The following TAFA1 variants were observed in gnomAD, a reference collection of about 807,000 sequenced individuals.
TAFA1 encodes the protein TAFA chemokine like family member 1, also known as chemokine-like protein TAFA-1.
In TAFA1, 4 loss-of-function variants were observed where a neutral mutation model predicts 18.5. That is an observed-to-expected ratio of 0.22 (90% CI 0.11 to 0.49). The LOEUF (loss-of-function observed/expected upper bound fraction) is 0.49, where lower values mean the gene tolerates loss of function less well. TAFA1 is among the 20% of genes least tolerant of loss of function. The pLI is 0.98. For synonymous variants in TAFA1, 56 were observed against 55.2 expected, an observed-to-expected ratio of 1.01 and a Z score of -0.06; for missense variants, 147 against 169.0, an observed-to-expected ratio of 0.87 and a Z score of 0.72.
chr3:68,208,872 T>C (rs1013146716), intron 2 of TAFA1, among the ~76,000 whole-genome samples: 1 of 151,872 alleles, frequency 6.6e-6, no homozygotes, highest in Non-Finnish European at 1.5e-5. Context: ...TCCTCTTGAG[T>C]GTGTGCAGGC....
chr3:68,026,204 T>C (rs568292789), intron 2 of TAFA1, among the ~76,000 whole-genome samples: 18 of 152,144 alleles, frequency 1.2e-4, no homozygotes, highest in Admixed American at 9.2e-4. Flanking sequence ...CTGAACTGCA[T>C]GACTCTCTGG....
chr3:68,464,907 A>C (rs2071856645), intron 3 of TAFA1, among the ~76,000 whole-genome samples: 1 of 152,166 alleles, frequency 6.6e-6, no homozygotes, highest in South Asian at 2.1e-4. Flanking sequence ...TTAACTGCTG[A>C]GGCAGATACT....
chr3:68,226,637 G>A (rs55812937), intron 2 of TAFA1, among the ~76,000 whole-genome samples: 2,092 of 152,230 alleles, frequency 0.014, 58 homozygotes, highest in African/African-American at 0.047. Context: ...AATGTTCATT[G>A]TGTAACACAT....
chr3:68,164,824 C>T (rs2065964843), intron 2 of TAFA1, among the ~76,000 whole-genome samples: 1 of 152,160 alleles, frequency 6.6e-6, no homozygotes, highest in Non-Finnish European at 1.5e-5. Context: ...TTCTCTCATT[C>T]CAATACACAT....
At chr3:68,502,878 C>G (rs2072681625) in intron 3 of TAFA1, among the ~76,000 whole-genome samples, 1 of 152,158 alleles carries the variant, frequency 6.6e-6, no homozygotes, top group Non-Finnish European at 1.5e-5. Flanking sequence ...CACTCTTACA[C>G]AAATGTTCAC....
chr3:68,043,511 G>A (rs1252306918), intron 2 of TAFA1, among the ~76,000 whole-genome samples: 3 of 152,114 alleles, frequency 2.0e-5, no homozygotes, highest in African/African-American at 7.2e-5. Flanking sequence ...ATAGAATAAA[G>A]AATACTGCTC....
At chr3:68,452,851 A>T (rs1464015010) in intron 3 of TAFA1, among the ~76,000 whole-genome samples, 1 of 152,146 alleles carries the variant, frequency 6.6e-6, no homozygotes, top group African/African-American at 2.4e-5. Context: ...TATTTAAGGC[A>T]TTTTTACTGA....
At chr3:68,252,469 C>G (rs991450622) in intron 2 of TAFA1, among the ~76,000 whole-genome samples, 2 of 152,138 alleles carry the variant, frequency 1.3e-5, no homozygotes, top group Non-Finnish European at 2.9e-5. Context: ...GTACTGGGCC[C>G]ATGGTCCCAC....
intron 2 of TAFA1, among the ~76,000 whole-genome samples, chr3:68,027,163 T>C (rs1415375196): frequency 1.3e-5 from 2 of 152,086 alleles, no homozygotes; most frequent in African/African-American, 2.4e-5. Context: ...GGAATTGCAA[T>C]TGAATATGAG....
Position 68,406,334 on chromosome 3 carries a change from A to G in TAFA1, c.119-10946A>G, listed in dbSNP as rs78983974. ...AATCAACTATTGCCTAGCTGGTTCAATGGTCTTGGTTTAAGAATAGGGTCA... is the reference window on the plus strand; with the variant it reads ...AATCAACTATTGCCTAGCTGGTTCAGTGGTCTTGGTTTAAGAATAGGGTCA... On this transcript the variant is annotated intron_variant, in intron 2 of 4. Coordinates refer to ENST00000478136, the MANE Select transcript of TAFA1 (RefSeq NM_213609.4). Among the ~76,000 whole-genome samples the G allele has an allele frequency of 6.8e-3, 1,037 of 152,240 alleles. 9 individuals carry two copies. The highest frequency in any genetic ancestry group is 0.024 in the African/African-American group (980 of 41,532).
At chr3:68,235,760 T>C (rs2066921012) in intron 2 of TAFA1, among the ~76,000 whole-genome samples, 1 of 152,114 alleles carries the variant, frequency 6.6e-6, no homozygotes, top group Non-Finnish European at 1.5e-5. Context: ...AAAGAAACTG[T>C]CTTTTTGCTG....
intron 2 of TAFA1, among the ~76,000 whole-genome samples, chr3:68,287,208 T>A (rs2068025318): frequency 1.3e-5 from 2 of 152,210 alleles, no homozygotes; most frequent in African/African-American, 2.4e-5. Context: ...AAAAACCGCG[T>A]GTGTAATGGA....
chr3:68,270,174 A>C (rs1247707810), intron 2 of TAFA1, among the ~76,000 whole-genome samples: 1 of 152,134 alleles, frequency 6.6e-6, no homozygotes, highest in African/African-American at 2.4e-5. Context: ...AAGTTCCGGC[A>C]CTAACTGATT....
chr3:68,371,848 A>T (rs932195782), intron 2 of TAFA1, among the ~76,000 whole-genome samples: 1 of 152,184 alleles, frequency 6.6e-6, no homozygotes, highest in African/African-American at 2.4e-5. Flanking sequence ...ACTGTTTTTA[A>T]TTGGGAATGG....
chr3:68,337,574 A>G (rs2068995525), intron 2 of TAFA1, among the ~76,000 whole-genome samples: 1 of 152,198 alleles, frequency 6.6e-6, no homozygotes, highest in Non-Finnish European at 1.5e-5. Flanking sequence ...ACATGTATAT[A>G]CTCATGTTAT....
At position 68,544,665 on chromosome 3, in the gene TAFA1, A is replaced by T; in HGVS notation, c.*162A>T. 1.5e-6 allele frequency: 1 copy of T among 667,326 alleles called. No homozygotes were observed. Among genetic ancestry groups the T allele is most frequent in the South Asian group, 2.2e-5 (1 of 44,908 alleles). 41.3% of individuals were successfully genotyped at this position (667,326 alleles called of 1,614,324 possible). A position where few individuals can be genotyped will look rare whatever the true frequency, so the allele number is the denominator to read the frequency against. Reference sequence around the variant, plus strand: ...TTTACTGTGTGTAACGAAATATCCTACAGTGAGAAGACACAGCGTTTTGGC... The same window carrying T: ...TTTACTGTGTGTAACGAAATATCCTTCAGTGAGAAGACACAGCGTTTTGGC... On this transcript the variant is annotated 3_prime_UTR_variant, in exon 5 of 5. Coordinates refer to ENST00000478136, the MANE Select transcript of TAFA1 (RefSeq NM_213609.4).
chr3:68,340,463 G>T lies in TAFA1; in HGVS notation c.119-76817G>T, dbSNP rs542501879. Reference sequence around the variant, plus strand: ...AGAAGGCATTTGAATGGTAGAAATAGTCTCTCCTTTGCGAAGTATTATGCG... The same window carrying T: ...AGAAGGCATTTGAATGGTAGAAATATTCTCTCCTTTGCGAAGTATTATGCG... On this transcript the variant is annotated intron_variant, in intron 2 of 4. Transcript: ENST00000478136. Among the ~76,000 whole-genome samples the T allele has an allele frequency of 4.6e-5, 7 of 152,292 alleles. No homozygotes were observed. The South Asian group carries it at 1.5e-3, about 32-fold the overall frequency.
At chr3:67,999,251 T>A (rs893124927), upstream of TAFA1, among the ~76,000 whole-genome samples, 9 of 56,990 alleles carry the variant, frequency 1.6e-4, no homozygotes, top group Admixed American at 4.5e-4. Flanking sequence ...GCTCTCTCTC[T>A]CTCTCATTCT....
intron 2 of TAFA1, among the ~76,000 whole-genome samples, chr3:68,318,894 G>A (rs572237283): frequency 6.6e-6 from 1 of 152,178 alleles, no homozygotes; most frequent in African/African-American, 2.4e-5. Flanking sequence ...GATCCCAATA[G>A]TTAAATTCAT....
Sources: allele counts gnomAD v4.1 joint callset (sites outside exome capture counted in the v4.1 genomes callset), GRCh38; gene constraint gnomAD v4.1.1; transcripts MANE v1.5; gene names NCBI Gene and HGNC (gene_info 2026-07-23, HGNC 2026-07-21).